RGPD2: variants seen among roughly 807,000 people sequenced by gnomAD.
The protein encoded by RGPD2 is RANBP2 like and GRIP domain containing 2.
A neutral mutation model predicts 36.0 loss-of-function variants in RGPD2; 2 were observed. That is an observed-to-expected ratio of 0.06 (90% CI 0.02 to 0.17). The LOEUF (loss-of-function observed/expected upper bound fraction) is 0.17. Among genes scored for constraint, RGPD2 ranks in the 10% least tolerant of loss-of-function variants. The probability of loss-of-function intolerance (pLI) is 1.00; values close to 1 mark genes in which losing one functional copy is unlikely to be tolerated. For missense variants in RGPD2, 40 were observed against 464.3 expected, an observed-to-expected ratio of 0.09 and a Z score of 8.40; for synonymous variants, 19 against 163.8, an observed-to-expected ratio of 0.12 and a Z score of 6.75.
intron 1 of RGPD2, chr2:87,825,089 C>A (rs147968875): frequency 1.8e-5 from 7 of 388,556 alleles, no homozygotes; most frequent in African/African-American, 1.3e-4. Flanking sequence ...CTATAGTAAA[C>A]CCTGAGAACC....
At chr2:87,930,955 CT>C in the RGPD2 span, among the ~76,000 whole-genome samples, 235 of 112,216 alleles carry the variant, frequency 2.1e-3, no homozygotes, top group African/African-American at 7.6e-3. Flanking sequence ...TTTGAACCTT[CT>C]TTTTTTTTCT....
chr2:87,974,745 A>G, the RGPD2 span, among the ~76,000 whole-genome samples: 1 of 151,960 alleles, frequency 6.6e-6, no homozygotes, highest in South Asian at 2.1e-4. Flanking sequence ...GGTTCATTCT[A>G]TTCTCTCATT....
At chr2:87,844,745 A>AT in the RGPD2 span, among the ~76,000 whole-genome samples, 2 of 151,150 alleles carry the variant, frequency 1.3e-5, no homozygotes, top group African/African-American at 4.8e-5. Context: ...ATTTGTATTA[A>AT]TTTTTTATTT....
At chr2:87,985,955 A>G in the RGPD2 span, 5 of 1,396,666 alleles carry the variant, frequency 3.6e-6, no homozygotes, top group African/African-American at 5.8e-5. Flanking sequence ...CTTACTCTGC[A>G]TGCATTTCTT....
the RGPD2 span, among the ~76,000 whole-genome samples, chr2:87,911,503 A>G: frequency 2.0e-5 from 3 of 152,042 alleles, no homozygotes; most frequent in African/African-American, 7.2e-5. Context: ...TTAAATCAAG[A>G]TGGAATGTAT....
the RGPD2 span, among the ~76,000 whole-genome samples, chr2:87,883,498 G>A: frequency 1.3e-5 from 2 of 151,848 alleles, no homozygotes; most frequent in Admixed American, 1.3e-4. Flanking sequence ...TGAATTAAGT[G>A]TTTCAGTTAA....
chr2:87,986,167 G>A, the RGPD2 span, among the ~76,000 whole-genome samples: 115,986 of 128,244 alleles, frequency 0.9, 52,886 homozygotes, highest in East Asian at 1. Flanking sequence ...AGAGTGTCTC[G>A]CTCTGTTGCC....
chr2:87,903,203 T>TAA, the RGPD2 span, among the ~76,000 whole-genome samples: 1 of 139,202 alleles, frequency 7.2e-6, no homozygotes, highest in Non-Finnish European at 1.5e-5. Flanking sequence ...CCTGACATCT[T>TAA]AAGCCAGGAT....
intron 20 of RGPD2, among the ~76,000 whole-genome samples, chr2:87,781,677 G>C (rs1303887359): frequency 6.7e-6 from 1 of 150,364 alleles, no homozygotes; most frequent in Admixed American, 6.6e-5. Flanking sequence ...GGCCAGGCTG[G>C]TCTCGAACTC....
At chr2:87,885,420 C>T in the RGPD2 span, among the ~76,000 whole-genome samples, 2 of 152,090 alleles carry the variant, frequency 1.3e-5, no homozygotes, top group Non-Finnish European at 2.9e-5. Flanking sequence ...AAATTGAAGG[C>T]TTTTCCTTTA....
At chr2:87,909,094 T>G in the RGPD2 span, among the ~76,000 whole-genome samples, 3 of 150,078 alleles carry the variant, frequency 2.0e-5, no homozygotes, top group African/African-American at 7.4e-5. Context: ...GAGTCAGGGA[T>G]GGGGTATGAT....
At chr2:87,883,273 T>G in the RGPD2 span, among the ~76,000 whole-genome samples, 1 of 151,640 alleles carries the variant, frequency 6.6e-6, no homozygotes, top group Non-Finnish European at 1.5e-5. Flanking sequence ...AAATGTTTCT[T>G]GTAAACCTCA....
At chr2:87,884,712 G>C in the RGPD2 span, among the ~76,000 whole-genome samples, 1 of 151,732 alleles carries the variant, frequency 6.6e-6, no homozygotes, top group Non-Finnish European at 1.5e-5. Context: ...TCAATTCCTA[G>C]AGGCATATAA....
chr2:87,841,354 C>A, the RGPD2 span, among the ~76,000 whole-genome samples: 2 of 152,136 alleles, frequency 1.3e-5, no homozygotes, highest in Non-Finnish European at 2.9e-5. Flanking sequence ...GCTTGTACAA[C>A]CTGCAGAACC....
chr2:87,988,539 ATATTT>A, the RGPD2 span, among the ~76,000 whole-genome samples: 1 of 24,046 alleles, frequency 4.2e-5, no homozygotes, highest in Non-Finnish European at 1.3e-4. Context: ...ATATATATAT[ATATTT>A]TTTTTTTTTC....
At chr2:87,927,806 A>G in the RGPD2 span, among the ~76,000 whole-genome samples, 2 of 150,858 alleles carry the variant, frequency 1.3e-5, no homozygotes, top group Admixed American at 1.3e-4. Flanking sequence ...GATTTTGTGT[A>G]TGACTTCCCA....
At chr2:87,810,039 T>C (rs1481494691) in intron 6 of RGPD2, among the ~76,000 whole-genome samples, 33 of 41,888 alleles carry the variant, frequency 7.9e-4, no homozygotes, top group Non-Finnish European at 6.7e-4. Flanking sequence ...CGGGCACCTG[T>C]AGTCCCACCT....
At chr2:87,956,389 A>G in the RGPD2 span, among the ~76,000 whole-genome samples, 16 of 151,948 alleles carry the variant, frequency 1.1e-4, no homozygotes, top group South Asian at 2.9e-3. Context: ...TATATTTTAT[A>G]TATATGTTGT....
the RGPD2 span, among the ~76,000 whole-genome samples, chr2:87,952,111 T>C: frequency 6.6e-6 from 1 of 152,310 alleles, no homozygotes; most frequent in South Asian, 2.1e-4. Flanking sequence ...TTGATTTGAT[T>C]GAAAATTATA....
Sources: allele counts gnomAD v4.1 joint callset (sites outside exome capture counted in the v4.1 genomes callset), GRCh38; gene constraint gnomAD v4.1.1; transcripts MANE v1.5; gene names NCBI Gene and HGNC (gene_info 2026-07-23, HGNC 2026-07-21).